Variants in TLR6 observed in about 807,000 individuals in gnomAD.
The protein encoded by TLR6 is toll-like receptor 6.
TLR6 carries 9 observed loss-of-function variants against 16.1 expected under a neutral mutation model. The ratio of observed to expected loss-of-function variants is 0.56; its 90% CI spans 0.34 to 0.98. The LOEUF (loss-of-function observed/expected upper bound fraction) is 0.98. Among genes scored for constraint, TLR6 ranks in the 50% least tolerant of loss-of-function variants. TLR6 has a pLI of 0.02. For synonymous variants in TLR6, 340 were observed against 338.6 expected (o/e 1.00, Z -0.04); for missense variants, 786 against 921.0 (o/e 0.85, Z 1.90).
At chr4:38,839,414 T>G (rs1325807250) in intron 1 of TLR6, among the ~76,000 whole-genome samples, 1 of 152,126 alleles carries the variant, frequency 6.6e-6, no homozygotes, top group African/African-American at 2.4e-5. Context: ...ACTCAAAAAA[T>G]AGTTATTCTC....
At chr4:38,827,676 C>G (rs1292193072) in exon 2 of TLR6, 1 of 1,614,060 alleles carries the variant, frequency 6.2e-7, no homozygotes, top group Non-Finnish European at 8.5e-7. Flanking sequence ...GTCACAGTCA[C>G]AGCCAACACC....
chr4:38,858,881 AAGAAAGAG>A (rs770689922), upstream of TLR6, among the ~76,000 whole-genome samples: 18,843 of 89,904 alleles, frequency 0.21, 3,166 homozygotes, highest in Middle Eastern at 0.35. Context: ...GAAAGAAAGA[AAGAAAGAG>A]AGAAAGAAAG....
chr4:38,846,069 G>C (rs1712513975), intron 1 of TLR6, among the ~76,000 whole-genome samples: 1 of 144,846 alleles, frequency 6.9e-6, no homozygotes, highest in Non-Finnish European at 1.5e-5. Flanking sequence ...TCCAGGCTGG[G>C]CCACAGAGCG....
intron 1 of TLR6, among the ~76,000 whole-genome samples, chr4:38,839,470 G>C (rs1712139875): frequency 6.6e-6 from 1 of 152,020 alleles, no homozygotes; most frequent in Non-Finnish European, 1.5e-5. Context: ...CCAAATATTA[G>C]ACCAGCCGGT....
chr4:38,847,635 T>C (rs1017680724), intron 1 of TLR6, among the ~76,000 whole-genome samples: 6 of 152,228 alleles, frequency 3.9e-5, no homozygotes, highest in African/African-American at 9.6e-5. Flanking sequence ...CAGGAGATTA[T>C]ATCCCGCACC....
intron 1 of TLR6, among the ~76,000 whole-genome samples, chr4:38,849,497 G>C (rs1712679855): frequency 6.6e-6 from 1 of 152,120 alleles, no homozygotes; most frequent in African/African-American, 2.4e-5. Flanking sequence ...TGGATAAAGA[G>C]TCAAGACCCA....
chr4:38,858,887 G>GAAAGAA (rs1228149820), upstream of TLR6, among the ~76,000 whole-genome samples: 10 of 44,934 alleles, frequency 2.2e-4, no homozygotes, highest in East Asian at 3.0e-3. Flanking sequence ...AAGAAAGAAA[G>GAAAGAA]AGAGAAAGAA....
At chr4:38,848,331 G>GA (rs1156780519) in intron 1 of TLR6, among the ~76,000 whole-genome samples, 1 of 152,108 alleles carries the variant, frequency 6.6e-6, no homozygotes, top group Non-Finnish European at 1.5e-5. Context: ...CAAAGATGGG[G>GA]AAAAAACAGA....
At chr4:38,841,828 C>A (rs1400152455) in intron 1 of TLR6, among the ~76,000 whole-genome samples, 2 of 152,288 alleles carry the variant, frequency 1.3e-5, no homozygotes, top group South Asian at 2.1e-4. Context: ...TTTACGCATG[C>A]AACTGTCCTT....
At chr4:38,828,804 G>T (rs867145252) in exon 2 of TLR6, 1 of 1,613,960 alleles carries the variant, frequency 6.2e-7, no homozygotes, top group South Asian at 1.1e-5. Flanking sequence ...TTAGTCAGTT[G>T]TAAGCACCCT....
exon 2 of TLR6, chr4:38,825,627 C>T (rs899318568): frequency 2.0e-5 from 3 of 152,364 alleles, no homozygotes; most frequent in African/African-American, 7.2e-5. Flanking sequence ...TGATGCAGGG[C>T]CACATTATCT....
intron 1 of TLR6, among the ~76,000 whole-genome samples, chr4:38,833,141 A>C (rs1711708807): frequency 6.6e-6 from 1 of 151,974 alleles, no homozygotes; most frequent in Non-Finnish European, 1.5e-5. Context: ...CACTTTTCCT[A>C]CTGCTACAGT....
At chr4:38,864,970 A>G in the TLR6 span, among the ~76,000 whole-genome samples, 1 of 152,186 alleles carries the variant, frequency 6.6e-6, no homozygotes, top group Non-Finnish European at 1.5e-5. Flanking sequence ...TCATCACACC[A>G]CTGCACTCCA....
intron 1 of TLR6, among the ~76,000 whole-genome samples, chr4:38,839,182 T>C (rs1288391646): frequency 6.6e-6 from 1 of 151,524 alleles, no homozygotes; most frequent in Non-Finnish European, 1.5e-5. Flanking sequence ...TCCATTTTGC[T>C]AGGTGAAAGA....
chr4:38,848,983 T>A (rs904732517), intron 1 of TLR6, among the ~76,000 whole-genome samples: 3 of 152,132 alleles, frequency 2.0e-5, no homozygotes, highest in African/African-American at 7.2e-5. Flanking sequence ...ATTGTCAGAT[T>A]CGCCAAAGTT....
intron 1 of TLR6, among the ~76,000 whole-genome samples, chr4:38,845,417 T>G (rs1000945855): frequency 6.6e-5 from 10 of 152,264 alleles, no homozygotes; most frequent in Admixed American, 2.0e-4. Flanking sequence ...GCTAATCAAC[T>G]GATCTTAAAA....
At chr4:38,860,045 A>G (rs974534073), upstream of TLR6, among the ~76,000 whole-genome samples, 4 of 152,102 alleles carry the variant, frequency 2.6e-5, no homozygotes, top group Non-Finnish European at 5.9e-5. Context: ...GATGACTTTT[A>G]CTTGTTAAAA....
chr4:38,860,166 G>C (rs144937405), upstream of TLR6, among the ~76,000 whole-genome samples: 1 of 152,004 alleles, frequency 6.6e-6, no homozygotes, highest in African/African-American at 2.4e-5. Context: ...ATACACATAC[G>C]ACAGAGATAA....
At chr4:38,829,057 A>G in exon 2 of TLR6, 1 of 1,614,212 alleles carries the variant, frequency 6.2e-7, no homozygotes, top group South Asian at 1.1e-5. Context: ...CAAATTCCTT[A>G]CAGATGGGCA....
Sources: gnomAD v4.1 joint callset for allele counts (sites outside exome capture counted in the v4.1 genomes callset) on GRCh38, gnomAD v4.1.1 for gene constraint, MANE v1.5 for transcripts, NCBI Gene and HGNC (gene_info 2026-07-23, HGNC 2026-07-21) for gene names.